Variants in ZFP30 observed in about 807,000 individuals in gnomAD.
ZFP30 encodes the protein ZFP30 zinc finger protein, also known as zinc finger protein 30 homolog.
ZFP30 carries 16 observed loss-of-function variants against 12.3 expected under a neutral mutation model. That is an observed-to-expected ratio of 1.30 (90% CI 0.88 to 1.98). The LOEUF (loss-of-function observed/expected upper bound fraction) is 1.98, where lower values mean the gene tolerates loss of function less well. Ranked by LOEUF, ZFP30 falls within the 30% of genes most tolerant of loss-of-function variation. The probability of loss-of-function intolerance (pLI) is 0.00; values close to 1 mark genes in which losing one functional copy is unlikely to be tolerated. For missense variants in ZFP30, 560 were observed against 611.2 expected (o/e 0.92, Z 0.88); for synonymous variants, 172 against 201.0 (o/e 0.86, Z 1.22).
At chr19:37,637,561 G>C (rs1015940001) in intron 5 of ZFP30, among the ~76,000 whole-genome samples, 2 of 151,968 alleles carry the variant, frequency 1.3e-5, no homozygotes, top group African/African-American at 4.8e-5. Context: ...CATGATCTCG[G>C]TTCACTGCAA....
intron 5 of ZFP30, among the ~76,000 whole-genome samples, chr19:37,638,439 C>T (rs1043759146): frequency 2.0e-5 from 3 of 152,122 alleles, no homozygotes; most frequent in African/African-American, 7.2e-5. Flanking sequence ...TTTGCAAATG[C>T]ACCTGTTCTC....
intron 2 of ZFP30, among the ~76,000 whole-genome samples, 151 bp from the exon 3 acceptor site, chr19:37,648,050 T>C (rs751301438): frequency 1.3e-5 from 2 of 152,212 alleles, no homozygotes; most frequent in Non-Finnish European, 2.9e-5. Context: ...TAGACAAAGA[T>C]GTCCTCCCCA....
chr19:37,656,120 C>T (rs2044751418), upstream of ZFP30: 1 of 152,846 alleles, frequency 6.5e-6, no homozygotes, highest in African/African-American at 2.4e-5. Flanking sequence ...CCCCGCGTAC[C>T]TGGACCGAGT....
rs1211345760 is a variant in ZFP30, at chr19:37,633,509, A to G, written c.*1472T>C. 1 of 151,942 alleles carries G rather than the reference A, an allele frequency of 6.6e-6. No homozygotes were observed. The highest frequency in any genetic ancestry group is 1.5e-5 in the Non-Finnish European group (1 of 68,026). 9.4% of individuals were successfully genotyped at this position (151,942 alleles called of 1,614,324 possible). ...GCTGGGATTACAGGCGCATGTGACC[A>G]CGCCTGGCTAATTTTTGTATTTTTA... On this transcript the variant is annotated 3_prime_UTR_variant, in exon 6 of 6. Transcript: ENST00000684514.
chr19:37,653,503 TTTC>T (rs2044693843), intron 2 of ZFP30, among the ~76,000 whole-genome samples: 1 of 152,220 alleles, frequency 6.6e-6, no homozygotes, highest in African/African-American at 2.4e-5. Flanking sequence ...TATGTAACAA[TTTC>T]TTGATGATTC....
At position 37,635,636 on chromosome 19, in the gene ZFP30, T is replaced by C; in HGVS notation, c.905A>G (p.Glu302Gly). Reference protein sequence around the residue: ...NIAEKCYECKECGQAFLCSTG... With the variant: ...NIAEKCYECKGCGQAFLCSTG... The stretch of plus-strand genomic sequence containing the variant: ...ACTACACAGAAAGGCCTGACCACAT[T>C]CCTTACACTCATAGCACTTCTCAGC... The change falls in exon 6 of 6, where the codon GAA becomes GGA. Residue 302 changes from glutamate (E) to glycine (G), a missense_variant. Glu to Gly is a moderately conservative substitution (Grantham distance 98). Coordinates refer to ENST00000684514, the MANE Select transcript of ZFP30 (RefSeq NM_001320669.3). 6.2e-7 allele frequency: 1 copy of C among 1,614,160 alleles called. No homozygotes were observed. Among genetic ancestry groups the C allele is most frequent in the South Asian group, 1.1e-5 (1 of 91,080 alleles).
At chr19:37,637,770 G>A (rs2044360479) in intron 5 of ZFP30, among the ~76,000 whole-genome samples, 2 of 152,160 alleles carry the variant, frequency 1.3e-5, no homozygotes, top group African/African-American at 4.8e-5. Flanking sequence ...TTACAGGTGT[G>A]AGCCACCATG....
At chr19:37,648,660 A>G (rs1308312106) in intron 2 of ZFP30, among the ~76,000 whole-genome samples, 1 of 152,104 alleles carries the variant, frequency 6.6e-6, no homozygotes, top group Non-Finnish European at 1.5e-5. Context: ...GCATTTCTAA[A>G]AAGTTTCCAG....
intron 2 of ZFP30, chr19:37,651,518 G>A (rs1489521894): frequency 1.3e-5 from 2 of 150,522 alleles, no homozygotes; most frequent in East Asian, 2.0e-4. Flanking sequence ...GGAGGTTGCA[G>A]TGAGCCGAGA....
intron 2 of ZFP30, among the ~76,000 whole-genome samples, chr19:37,650,554 T>C (rs1041528150): frequency 6.6e-6 from 1 of 152,166 alleles, no homozygotes; most frequent in African/African-American, 2.4e-5. Flanking sequence ...TTACCTCTAT[T>C]AGCCATTCCT....
rs1194707856 is a variant in ZFP30 at position 37,633,590 on chromosome 19, G to C, written c.*1391C>G. On this transcript the variant is annotated 3_prime_UTR_variant, in exon 6 of 6. Coordinates refer to ENST00000684514, the MANE Select transcript of ZFP30 (RefSeq NM_001320669.3). ...GCTGGTCTCGAACTCCTGACCTCATGATCTGCCCACCGGCCTCCCAAAGTG... is the reference window on the plus strand; with the variant it reads ...GCTGGTCTCGAACTCCTGACCTCATCATCTGCCCACCGGCCTCCCAAAGTG... 6.6e-6 allele frequency: 1 copy of C among 152,084 alleles called. No homozygotes were observed. The highest frequency in any genetic ancestry group is 1.5e-5 in the Non-Finnish European group (1 of 68,048). 9.4% of individuals were successfully genotyped at this position (152,084 alleles called of 1,614,324 possible). A position where few individuals can be genotyped will look rare whatever the true frequency, so the allele number is the denominator to read the frequency against.
chr19:37,638,690 A>AT (rs2044376865), intron 5 of ZFP30, among the ~76,000 whole-genome samples: 1 of 152,204 alleles, frequency 6.6e-6, no homozygotes, highest in Admixed American at 6.5e-5. Context: ...GCAAGGGCTA[A>AT]TCTCAAAAAC....
intron 5 of ZFP30, among the ~76,000 whole-genome samples, chr19:37,640,207 C>T (rs2044407287): frequency 6.6e-6 from 1 of 151,990 alleles, no homozygotes; most frequent in Non-Finnish European, 1.5e-5. Context: ...TGTTCTACTT[C>T]AAAGAAGTTG....
chr19:37,640,653 G>A (rs2044415872), intron 5 of ZFP30, among the ~76,000 whole-genome samples: 4 of 151,382 alleles, frequency 2.6e-5, no homozygotes, highest in African/African-American at 7.3e-5. Context: ...CTGGCAGGCC[G>A]AGGCAGACAG....
At chr19:37,645,378 C>CA (rs1054787848) in intron 3 of ZFP30, among the ~76,000 whole-genome samples, 1 of 151,960 alleles carries the variant, frequency 6.6e-6, no homozygotes, top group Non-Finnish European at 1.5e-5. Context: ...TTTCTATAAA[C>CA]AAAAGACCAG....
At position 37,631,680 on chromosome 19, in the gene ZFP30, T is replaced by TAAAAAAAAAAAAAAAAAAAAAAA. The variant is rs59250127; in HGVS notation, c.*3300_*3301insTTTTTTTTTTTTTTTTTTTTTTT. ...ATTCCATTCTTAATACATAGAAAGC[T>TAAAAAAAAAAAAAAAAAAAAAAA]AAAAAAAAAAAAAAAAAAAAGACAA... On this transcript the variant is annotated 3_prime_UTR_variant, in exon 6 of 6. Transcript: ENST00000684514. The TAAAAAAAAAAAAAAAAAAAAAAA allele has an allele frequency of 1.8e-5, 2 of 111,380 alleles. No individual in the cohort carries two copies. The highest frequency in any genetic ancestry group is 4.0e-5 in the Non-Finnish European group (2 of 49,974). 6.9% of individuals were successfully genotyped at this position (111,380 alleles called of 1,614,324 possible). A position where few individuals can be genotyped will look rare whatever the true frequency, so the allele number is the denominator to read the frequency against.
At chr19:37,652,791 ATGAC>A (rs1380467936) in intron 2 of ZFP30, among the ~76,000 whole-genome samples, 2 of 152,180 alleles carry the variant, frequency 1.3e-5, no homozygotes, top group Non-Finnish European at 2.9e-5. Flanking sequence ...AAAATTTTAA[ATGAC>A]TGGGAAGATA....
intron 3 of ZFP30, among the ~76,000 whole-genome samples, 178 bp downstream of exon 3, chr19:37,647,636 T>C (rs2044568732): frequency 6.6e-6 from 1 of 152,168 alleles, no homozygotes; most frequent in African/African-American, 2.4e-5. Context: ...CAGATACAGA[T>C]GGAGAAGACA....
At position 37,631,680 on chromosome 19, in the gene ZFP30, T is replaced by TAAAAAAAA. The variant is rs59250127; in HGVS notation, c.*3293_*3300dup. The TAAAAAAAA allele has an allele frequency of 1.2e-4, 13 of 111,350 alleles. No individual in the cohort carries two copies. The highest frequency in any genetic ancestry group is 1.6e-4 in the Non-Finnish European group (8 of 49,950). 6.9% of individuals were successfully genotyped at this position (111,350 alleles called of 1,614,324 possible). On this transcript the variant is annotated 3_prime_UTR_variant, in exon 6 of 6. Transcript: ENST00000684514. Reference sequence around the variant, plus strand: ...ATTCCATTCTTAATACATAGAAAGCTAAAAAAAAAAAAAAAAAAAAGACAA... The same window carrying TAAAAAAAA: ...ATTCCATTCTTAATACATAGAAAGCTAAAAAAAAAAAAAAAAAAAAAAAAAAAAGACAA...
Sources: gnomAD v4.1 joint callset for allele counts (sites outside exome capture counted in the v4.1 genomes callset) on GRCh38, gnomAD v4.1.1 for gene constraint, MANE v1.5 for transcripts, NCBI Gene and HGNC (gene_info 2026-07-23, HGNC 2026-07-21) for gene names.